TBX2: variants seen among roughly 807,000 people sequenced by gnomAD.
The protein encoded by TBX2 is T-box transcription factor 2.
TBX2 carries 19 observed loss-of-function variants against 48.4 expected under a neutral mutation model. The ratio of observed to expected loss-of-function variants is 0.39; its 90% CI spans 0.27 to 0.58. The LOEUF is 0.58. Ranked by LOEUF, TBX2 falls within the 20% of genes least tolerant of loss-of-function variation. The probability of loss-of-function intolerance (pLI) is 0.54; values close to 1 mark genes in which losing one functional copy is unlikely to be tolerated. For synonymous variants in TBX2, 522 were observed against 459.7 expected, an observed-to-expected ratio of 1.14 and a Z score of -1.73; for missense variants, 994 against 1,006.5, an observed-to-expected ratio of 0.99 and a Z score of 0.17.
intron 6 of TBX2, 69 bp downstream of exon 6, chr17:61,405,905 G>A: frequency 2.4e-6 from 3 of 1,252,690 alleles, no homozygotes; most frequent in African/African-American, 1.5e-5. Flanking sequence ...CGAGGCCAGC[G>A]GAGGGCCTGA....
At chr17:61,407,211 G>A (rs547373514) in intron 6 of TBX2, 1 of 152,314 alleles carries the variant, frequency 6.6e-6, no homozygotes, top group Non-Finnish European at 1.5e-5. Context: ...GACTGTCTCA[G>A]GAGGGGGTAT....
intron 6 of TBX2, 120 bp from the exon 7 acceptor site, chr17:61,407,934 G>A (rs1221154448): frequency 7.0e-6 from 9 of 1,289,288 alleles, no homozygotes; most frequent in Middle Eastern, 1.9e-4. Context: ...ATAGTTATGC[G>A]AATTGTGGTT....
Position 61,408,367 on chromosome 17 carries a change from T to C in TBX2, c.2000T>C (p.Val667Ala). The C allele has an allele frequency of 6.3e-7, 1 of 1,581,092 alleles. No individual in the cohort carries two copies. The highest frequency in any genetic ancestry group is 8.6e-7 in the Non-Finnish European group (1 of 1,164,800). The change falls in exon 7 of 7, where the codon GTA becomes GCA. Residue 667 changes from valine (V) to alanine (A), a missense_variant. Physicochemically the swap from Val to Ala is moderately conservative, Grantham distance 64 (BLOSUM62 0). Around this residue, in one of 5 missense-constraint regions of TBX2, gnomAD observed 639 missense variants for 613.2 expected, o/e 1.04. Coordinates refer to ENST00000240328, the MANE Select transcript of TBX2 (RefSeq NM_005994.4). ...CTGCCCGAGCTGGCTCTCCGCAAAG[T>C]AGGGGCCCCATCCCGCGGTGCCCTG... The part of the protein sequence containing the change: ...SPLPELALRK[V>A]GAPSRGALSP...
At chr17:61,407,689 G>A (rs2060294565) in intron 6 of TBX2, 2 of 223,812 alleles carry the variant, frequency 8.9e-6, no homozygotes, top group Non-Finnish European at 8.6e-6. Flanking sequence ...GAACCTCCAA[G>A]ACACCCAAAG....
chr17:61,400,145 C>T lies in TBX2; in HGVS notation c.-32C>T, dbSNP rs2060257407. ...GAGCCGCGCGCCCCCGGCCCCGGCC[C>T]CGGCCCCCGGGCGCCTGGGCCGGAT... On this transcript the variant is annotated 5_prime_UTR_variant, in exon 1 of 7. Transcript: ENST00000240328. This position sits in a 1 kb window ranked among gnomAD's most constrained non-coding sequence, Gnocchi z 9.2. 4 of 992,856 alleles carry T rather than the reference C, an allele frequency of 4.0e-6. No homozygotes were observed. The highest frequency in any genetic ancestry group is 4.8e-6 in the Non-Finnish European group (4 of 834,634). 61.5% of individuals were successfully genotyped at this position (992,856 alleles called of 1,614,324 possible). A position where few individuals can be genotyped will look rare whatever the true frequency, so the allele number is the denominator to read the frequency against.
chr17:61,403,020 C>A lies in TBX2; in HGVS notation c.664-41C>A, dbSNP rs755085057. On this transcript the variant is annotated intron_variant, in intron 2 of 6. Transcript: ENST00000240328. The surrounding 1 kb of genome is among the most constrained non-coding windows in gnomAD (Gnocchi z 5.8). ...ACCCAAAGAATAGAAAAGCTCGGGC[C>A]GGGGCTGGTGGCTGCCGGCTGACCC... 6 of 1,573,300 alleles carry A rather than the reference C, an allele frequency of 3.8e-6. No homozygotes were observed. The highest frequency in any genetic ancestry group is 1.7e-4 in the Middle Eastern group (1 of 5,902).
At chr17:61,404,357 G>T (rs1179947091) in intron 3 of TBX2, 64 bp from the exon 4 acceptor site, 1 of 1,520,344 alleles carries the variant, frequency 6.6e-7, no homozygotes, top group Non-Finnish European at 8.9e-7. Flanking sequence ...CTGACCTCGG[G>T]GTGCCACCGA....
Position 61,400,130 on chromosome 17 carries a change from CCCCCGGCCCCGG to C in TBX2, c.-36_-25del, listed in dbSNP as rs768319653. On this transcript the variant is annotated 5_prime_UTR_variant, in exon 1 of 7. Coordinates refer to ENST00000240328, the MANE Select transcript of TBX2 (RefSeq NM_005994.4). This position sits in a 1 kb window ranked among gnomAD's most constrained non-coding sequence, Gnocchi z 9.2. ...CCGGGCCGGGGGTCCGAGCCGCGCG[CCCCCGGCCCCGG>C]CCCCGGCCCCCGGGCGCCTGGGCCG... 91 of 968,522 alleles carry C rather than the reference CCCCCGGCCCCGG, an allele frequency of 9.4e-5. No individual in the cohort carries two copies. Among genetic ancestry groups the C allele is most frequent in the Non-Finnish European group, 1.1e-4 (90 of 816,756 alleles). The allele number at this position is 968,522 out of a possible 1,614,324, so 60.0% of individuals were successfully genotyped here. A position where few individuals can be genotyped will look rare whatever the true frequency, so the allele number is the denominator to read the frequency against.
rs1025371566 is a variant in TBX2 at position 61,405,504 on chromosome 17, G to A, written c.1354G>A (p.Val452Met). Residue 452 changes from valine (V) to methionine (M), a missense_variant, in exon 6 of 7, where the codon GTG (valine) becomes ATG (methionine). Val to Met is a conservative substitution (Grantham distance 21, BLOSUM62 1). This residue lies in a region of TBX2 where 639 missense variants were observed against 613.2 expected (regional missense o/e 1.04). Transcript: ENST00000240328. ...GKEQGLAPLV[V>M]QTDSASPLGA... Reference sequence around the variant, plus strand: ...GGAGCAGGGCCTGGCGCCGCTGGTGGTGCAGACAGACAGTGCGTCCCCCCT... The same window carrying A: ...GGAGCAGGGCCTGGCGCCGCTGGTGATGCAGACAGACAGTGCGTCCCCCCT... 1 of 1,584,162 alleles carries A rather than the reference G, an allele frequency of 6.3e-7. No homozygotes were observed. The highest frequency in any genetic ancestry group is 8.6e-7 in the Non-Finnish European group (1 of 1,168,006).
rs754645060 is a variant in TBX2 at position 61,400,524 on chromosome 17, C to T, written c.348C>T (p.Asp116=). 1.3e-5 allele frequency: 20 copies of T among 1,592,884 alleles called. No homozygotes were observed. The Admixed American group carries it at 2.6e-4, about 21-fold the overall frequency. Residue 116 remains aspartate (D), a synonymous_variant, in exon 1 of 7, where the codon GAC becomes GAT. Coordinates refer to ENST00000240328, the MANE Select transcript of TBX2 (RefSeq NM_005994.4). The surrounding 1 kb of genome is among the most constrained non-coding windows in gnomAD (Gnocchi z 9.2). ...CGCTGGAGGCCAAGGAGCTGTGGGA[C>T]CAGTTCCACAAGCTAGGCACGGAGA... ...KVTLEAKELW[D]QFHKLGTEMV...
chr17:61,401,190 T>G (rs564629934), intron 1 of TBX2, among the ~76,000 whole-genome samples: 2 of 152,130 alleles, frequency 1.3e-5, no homozygotes, highest in East Asian at 3.9e-4. Flanking sequence ...CCACCGAGAA[T>G]CCAGGCCTCG....
Position 61,408,395 on chromosome 17 carries a change from G to A in TBX2, c.2028G>A (p.Ser676=), listed in dbSNP as rs769551183. The A allele has an allele frequency of 1.7e-5, 27 of 1,556,668 alleles. No homozygotes were observed. The highest frequency in any genetic ancestry group is 5.9e-5 in the South Asian group (5 of 84,600). Residue 676 remains serine, a synonymous_variant, in exon 7 of 7, where the codon TCG becomes TCA. Coordinates refer to ENST00000240328, the MANE Select transcript of TBX2 (RefSeq NM_005994.4). ...KVGAPSRGAL[S]PSGSAKEAAN... ...GGGCCCCATCCCGCGGTGCCCTGTC[G>A]CCCAGTGGCTCGGCCAAGGAGGCGG...
rs2060261828 is a variant in TBX2, at chr17:61,400,976, GCC to G, written c.395+408_395+409del. On this transcript the variant is annotated intron_variant, in intron 1 of 6. Transcript: ENST00000240328. The surrounding 1 kb of genome is among the most constrained non-coding windows in gnomAD (Gnocchi z 9.2). The stretch of plus-strand genomic sequence containing the variant: ...TCTCAGACTCTGCTCCGACCCCGAA[GCC>G]CCTAGTGGGACCTGGGCCCAGCTAA... 6.6e-6 allele frequency among the ~76,000 whole-genome samples: 1 copy of G among 152,120 alleles called. No individual in the cohort carries two copies. The highest frequency in any genetic ancestry group is 2.4e-5 in the African/African-American group (1 of 41,430).
At chr17:61,404,982 G>A (rs1246355169) in intron 5 of TBX2, 10 of 1,266,778 alleles carry the variant, frequency 7.9e-6, no homozygotes, top group Admixed American at 2.0e-5. Context: ...GGCCCCTTGG[G>A]CGCCGTGTAA....
At chr17:61,402,009 T>G in intron 2 of TBX2, 58 bp downstream of exon 2, 1 of 1,530,192 alleles carries the variant, frequency 6.5e-7, no homozygotes, top group Admixed American at 2.0e-5. Flanking sequence ...GCACTGCAGC[T>G]GAGCAGGAGA....
In TBX2 at chr17:61,405,253, G is replaced by T. The variant is rs770945114; in HGVS notation, c.1103G>T (p.Ser368Ile). 3.8e-6 allele frequency: 6 copies of T among 1,573,876 alleles called. No individual in the cohort carries two copies. In the South Asian group the frequency reaches 5.7e-5, roughly 15 times the overall value. The change falls in exon 6 of 7, where the codon AGC becomes ATC. Residue 368 changes from serine to isoleucine, a missense_variant. Ser to Ile is a moderately radical substitution (Grantham distance 142). Transcript: ENST00000240328. ...ADSDPEPERLSEERAGAPLGR... is the reference protein window; with the variant it reads ...ADSDPEPERLIEERAGAPLGR... ...AGCGACCCGGAGCCTGAGCGGTTGAGCGAGGAGCGTGCGGGGGCGCCGCTA... is the reference window on the plus strand; with the variant it reads ...AGCGACCCGGAGCCTGAGCGGTTGATCGAGGAGCGTGCGGGGGCGCCGCTA...
rs569072886 is a variant in TBX2, at chr17:61,406,014, AC to A, written c.1686+179del. 523 of 592,472 alleles carry A rather than the reference AC, an allele frequency of 8.8e-4. No homozygotes were observed. The highest frequency in any genetic ancestry group is 1.5e-3 in the South Asian group (16 of 10,988). The allele number at this position is 592,472 out of a possible 1,614,324, so 36.7% of individuals were successfully genotyped here. On this transcript the variant is annotated intron_variant, in intron 6 of 6. Coordinates refer to ENST00000240328, the MANE Select transcript of TBX2 (RefSeq NM_005994.4). The surrounding 1 kb of genome is among the most constrained non-coding windows in gnomAD (Gnocchi z 5.7). ...GACACCTGGGTTCTGAGAGACGAGGACTGTGTTGTAAGTCCAGGGGCTGGCC... is the reference window on the plus strand; with the variant it reads ...GACACCTGGGTTCTGAGAGACGAGGATGTGTTGTAAGTCCAGGGGCTGGCC...
rs1239063988 is a variant in TBX2, at chr17:61,408,386, T to C, written c.2019T>C (p.Gly673=). Residue 673 remains glycine, a synonymous_variant, in exon 7 of 7, where the codon GGT becomes GGC. Transcript: ENST00000240328. ...ALRKVGAPSR[G]ALSPSGSAKE... ...GCAAAGTAGGGGCCCCATCCCGCGG[T>C]GCCCTGTCGCCCAGTGGCTCGGCCA... 1 of 1,562,496 alleles carries C rather than the reference T, an allele frequency of 6.4e-7. No individual in the cohort carries two copies. The highest frequency in any genetic ancestry group is 8.7e-7 in the Non-Finnish European group (1 of 1,154,546).
chr17:61,400,581 C>A lies in TBX2; in HGVS notation c.395+10C>A. The A allele has an allele frequency of 6.5e-7, 1 of 1,542,450 alleles. No individual in the cohort carries two copies. Among genetic ancestry groups the A allele is most frequent in the South Asian group, 1.2e-5 (1 of 84,050 alleles). On this transcript the variant is annotated intron_variant, in intron 1 of 6. Transcript: ENST00000240328. This position sits in a 1 kb window ranked among gnomAD's most constrained non-coding sequence, Gnocchi z 9.2. Reference sequence around the variant, plus strand: ...TCACCAAGTCCGGGAGGTAGGGCTGCCGGCCGGCTGGAAGGCGCGCGGGCG... The same window carrying A: ...TCACCAAGTCCGGGAGGTAGGGCTGACGGCCGGCTGGAAGGCGCGCGGGCG...
Sources: allele counts gnomAD v4.1 joint callset (sites outside exome capture counted in the v4.1 genomes callset), GRCh38; gene constraint gnomAD v4.1.1; regional missense constraint gnomAD v4.1.1; non-coding constraint Gnocchi (gnomAD v3.1); transcripts MANE v1.5; gene names NCBI Gene and HGNC (gene_info 2026-07-23, HGNC 2026-07-21).